The following LEF1 variants were observed in gnomAD, a reference collection of about 807,000 sequenced individuals.
LEF1 encodes lymphoid enhancer-binding factor 1.
LEF1 carries 14 observed loss-of-function variants against 51.2 expected under a neutral mutation model. The observed-to-expected ratio is 0.27, with a 90% CI of 0.18 to 0.43. The LOEUF is 0.43. LEF1 is among the 20% of genes least tolerant of loss of function. The pLI, the probability that LEF1 is intolerant of heterozygous loss-of-function variation, is 1.00. For synonymous variants in LEF1, 185 were observed against 183.2 expected, an observed-to-expected ratio of 1.01 and a Z score of -0.08; for missense variants, 386 against 512.0, an observed-to-expected ratio of 0.75 and a Z score of 2.37.
intron 11 of LEF1, among the ~76,000 whole-genome samples, chr4:108,049,423 C>A (rs1250970873): frequency 1.3e-5 from 2 of 152,150 alleles, no homozygotes; most frequent in African/African-American, 4.8e-5. Flanking sequence ...AATAAGAGAA[C>A]TCCCACATCC....
At chr4:108,056,527 A>C (rs941324006) in intron 11 of LEF1, among the ~76,000 whole-genome samples, 16 of 152,212 alleles carry the variant, frequency 1.1e-4, no homozygotes, top group African/African-American at 3.6e-4. Context: ...TCCACGCATA[A>C]CTGAGTCTAA....
At chr4:108,056,229 C>T (rs747409408) in intron 11 of LEF1, among the ~76,000 whole-genome samples, 9 of 152,160 alleles carry the variant, frequency 5.9e-5, no homozygotes, top group Non-Finnish European at 8.8e-5. Flanking sequence ...ACATAAGGCT[C>T]AGAGAACTGA....
intron 3 of LEF1, 41 bp downstream of exon 3, chr4:108,163,527 G>T: frequency 6.3e-7 from 1 of 1,590,760 alleles, no homozygotes; most frequent in Non-Finnish European, 8.6e-7. Context: ...AAATCAATTT[G>T]CACTTCTGAA....
At chr4:108,126,291 T>G (rs2110342316) in intron 3 of LEF1, among the ~76,000 whole-genome samples, 1 of 152,326 alleles carries the variant, frequency 6.6e-6, no homozygotes, top group South Asian at 2.1e-4. Context: ...CTGAAAATTT[T>G]TCATCTAAGT....
In LEF1 at chr4:108,167,755, A is replaced by G; in HGVS notation, c.13T>C (p.Ser5Pro). The change falls in exon 1 of 12, where the codon TCC becomes CCC. Residue 5 changes from serine (S) to proline (P), a missense_variant. Ser to Pro is a moderately conservative substitution (Grantham distance 74). Around this residue, in one of 2 missense-constraint regions of LEF1, gnomAD observed 335 missense variants for 390.7 expected, o/e 0.86. Transcript: ENST00000265165. The surrounding 1 kb of genome is among the most constrained non-coding windows in gnomAD (Gnocchi z 5.7). ...CCCCCGCCGCCGCCACCTCCTCCGG[A>G]GAGTTGGGGCATCCCGGCGGCTCTG... is the stretch of plus-strand genomic sequence containing the variant. MPQL[S>P]GGGGGGGGDP... 1 of 1,612,606 alleles carries G rather than the reference A, an allele frequency of 6.2e-7. No homozygotes were observed. Among genetic ancestry groups the G allele is most frequent in the Non-Finnish European group, 8.5e-7 (1 of 1,179,920 alleles).
At position 108,157,179 on chromosome 4, in the gene LEF1, TACACACAC is replaced by T. The variant is rs59867246; in HGVS notation, c.414+6381_414+6388del. On this transcript the variant is annotated intron_variant, in intron 3 of 11. Transcript: ENST00000265165. ...CTCTCTCTCTCTCTCTATATATATA[TACACACAC>T]ACACACACACACACACACACACACA... Among the ~76,000 whole-genome samples, 40 of 116,788 alleles carry T rather than the reference TACACACAC, an allele frequency of 3.4e-4. No homozygotes were observed. The South Asian group carries it at 5.8e-3, about 17-fold the overall frequency. The allele number at this position is 116,788 out of a possible 152,430, so 76.6% of individuals were successfully genotyped here.
intron 9 of LEF1, among the ~76,000 whole-genome samples, chr4:108,069,848 CT>C (rs1738336774): frequency 6.6e-6 from 1 of 151,648 alleles, no homozygotes; most frequent in African/African-American, 2.4e-5. Context: ...ATCCCAACTG[CT>C]TGAGAGGCTG....
intron 8 of LEF1, among the ~76,000 whole-genome samples, chr4:108,074,770 C>A (rs770444407): frequency 1.3e-4 from 20 of 152,158 alleles, no homozygotes; most frequent in Admixed American, 1.3e-4. Context: ...TAAGAACCAT[C>A]CTTTAGGACA....
chr4:108,067,322 G>T (rs913084186), intron 9 of LEF1, among the ~76,000 whole-genome samples: 2 of 152,188 alleles, frequency 1.3e-5, no homozygotes, highest in Admixed American at 6.5e-5. Flanking sequence ...TAGAGAAAGA[G>T]ATAGAATATG....
chr4:108,051,608 G>C (rs1200671587), intron 11 of LEF1, among the ~76,000 whole-genome samples: 3 of 152,152 alleles, frequency 2.0e-5, no homozygotes, highest in Non-Finnish European at 4.4e-5. Context: ...GCTGCGGCTG[G>C]GCTTCAAAGG....
Position 108,065,345 on chromosome 4 carries a change from C to T in LEF1, c.1117-961G>A, listed in dbSNP as rs190215628. Among the ~76,000 whole-genome samples the T allele has an allele frequency of 1.2e-3, 188 of 152,232 alleles. 2 individuals are homozygous for T. The highest frequency in any genetic ancestry group is 4.3e-3 in the African/African-American group (178 of 41,540). On this transcript the variant is annotated intron_variant, in intron 9 of 11. Transcript: ENST00000265165. ...ACTAAAGATACAAAAATTAGCCAGG[C>T]GTGGTGGCGTGCGCCTGTAATCTCA... is the stretch of plus-strand genomic sequence containing the variant.
At chr4:108,153,924 T>C (rs1305020365) in intron 3 of LEF1, among the ~76,000 whole-genome samples, 1 of 152,196 alleles carries the variant, frequency 6.6e-6, no homozygotes, top group African/African-American at 2.4e-5. Context: ...TTGCCATGAA[T>C]ATATAACAAG....
Position 108,136,112 on chromosome 4 carries a change from G to A in LEF1, c.414+27456C>T, listed in dbSNP as rs561769462. On this transcript the variant is annotated intron_variant, in intron 3 of 11. Transcript: ENST00000265165. ...GGTAGAAAAAAACAAAACAAGTTATGGTAGACAAGAGAAGAAAACAGGAAA... is the reference window on the plus strand; with the variant it reads ...GGTAGAAAAAAACAAAACAAGTTATAGTAGACAAGAGAAGAAAACAGGAAA... Among the ~76,000 whole-genome samples, 144 of 152,186 alleles carry A rather than the reference G, an allele frequency of 9.5e-4. 1 individual carries two copies. Among genetic ancestry groups the A allele is most frequent in the Non-Finnish European group, 1.7e-3 (118 of 68,016 alleles).
rs58754095 is a variant in LEF1, at chr4:108,064,277, G to T, written c.1165+59C>A. 8.9e-3 allele frequency: 10,305 copies of T among 1,162,370 alleles called. 601 individuals carry two copies. In the African/African-American group the frequency reaches 0.13, roughly 15 times the overall value. The allele number at this position is 1,162,370 out of a possible 1,614,324, so 72.0% of individuals were successfully genotyped here. ...AGCAGTGTGTAGAGAGATGCAAACTGCCTTAAAAGGTGTTTGTCAGAAGCC... is the reference window on the plus strand; with the variant it reads ...AGCAGTGTGTAGAGAGATGCAAACTTCCTTAAAAGGTGTTTGTCAGAAGCC... On this transcript the variant is annotated intron_variant, in intron 10 of 11. Transcript: ENST00000265165.
chr4:108,164,643 C>G (rs965843507), intron 2 of LEF1, among the ~76,000 whole-genome samples: 17 of 152,146 alleles, frequency 1.1e-4, no homozygotes, highest in Non-Finnish European at 2.9e-5. Context: ...TTCTGCTCTG[C>G]TCATTTACTG....
chr4:108,118,832 C>T (rs562245328), intron 3 of LEF1, among the ~76,000 whole-genome samples: 3 of 152,220 alleles, frequency 2.0e-5, no homozygotes, highest in East Asian at 1.9e-4. Context: ...TAACACACAA[C>T]GTCCACCAGA....
Position 108,167,351 on chromosome 4 carries a change from TACACAC to T in LEF1, c.213+198_213+203del, listed in dbSNP as rs35000095. Among the ~76,000 whole-genome samples the T allele has an allele frequency of 0.02, 2,679 of 131,704 alleles. 58 individuals carry two copies. Among genetic ancestry groups the T allele is most frequent in the African/African-American group, 0.05 (1,778 of 35,384 alleles). The allele number at this position is 131,704 out of a possible 152,430, so 86.4% of individuals were successfully genotyped here. A position where few individuals can be genotyped will look rare whatever the true frequency, so the allele number is the denominator to read the frequency against. On this transcript the variant is annotated intron_variant, in intron 1 of 11. Coordinates refer to ENST00000265165, the MANE Select transcript of LEF1 (RefSeq NM_016269.5). This position sits in a 1 kb window ranked among gnomAD's most constrained non-coding sequence, Gnocchi z 5.7. ...TACCCTGCCCCTCTACCTCCCATCC[TACACAC>T]ACACACACACACACACACACACACA...
intron 3 of LEF1, among the ~76,000 whole-genome samples, chr4:108,157,295 G>T (rs1744796192): frequency 6.6e-6 from 1 of 151,340 alleles, no homozygotes; most frequent in Non-Finnish European, 1.5e-5. Flanking sequence ...CAGACTCCTG[G>T]GTTCAAGAGA....
intron 3 of LEF1, among the ~76,000 whole-genome samples, chr4:108,139,328 CA>C (rs1204662609): frequency 6.6e-6 from 1 of 152,208 alleles, no homozygotes; most frequent in Admixed American, 6.5e-5. Flanking sequence ...CTGAACTATG[CA>C]AAGGAAAGTT....
Sources: gnomAD v4.1 joint callset for allele counts (sites outside exome capture counted in the v4.1 genomes callset) on GRCh38, gnomAD v4.1.1 for gene constraint, gnomAD v4.1.1 regional missense constraint, Gnocchi (gnomAD v3.1) non-coding constraint, MANE v1.5 for transcripts, NCBI Gene and HGNC (gene_info 2026-07-23, HGNC 2026-07-21) for gene names.